MAST4: variants seen among roughly 807,000 people sequenced by gnomAD.
MAST4 encodes microtubule-associated serine/threonine-protein kinase 4.
A neutral mutation model predicts 162.7 loss-of-function variants in MAST4; 89 were observed. The ratio of observed to expected loss-of-function variants is 0.55; its 90% CI spans 0.46 to 0.65. MAST4 has a LOEUF of 0.65. MAST4 is among the 30% of genes least tolerant of loss of function. The probability of loss-of-function intolerance (pLI) is 0.00; values close to 1 mark genes in which losing one functional copy is unlikely to be tolerated. For synonymous variants in MAST4, 1,479 were observed against 1,361.1 expected (o/e 1.09, Z -1.91); for missense variants, 3,153 against 3,374.0 (o/e 0.93, Z 1.62).
intron 3 of MAST4, among the ~76,000 whole-genome samples, chr5:66,868,378 TCA>T (rs1222538955): frequency 6.6e-6 from 1 of 151,952 alleles, no homozygotes; most frequent in African/African-American, 2.4e-5. Context: ...CCACAAAGTC[TCA>T]GTGTCACCAA....
intron 3 of MAST4, among the ~76,000 whole-genome samples, chr5:66,824,665 C>T (rs1410836562): frequency 6.6e-6 from 1 of 152,202 alleles, no homozygotes; most frequent in African/African-American, 2.4e-5. Context: ...TTAACAAGGA[C>T]ATGTTCTGAG....
chr5:67,141,496 C>A (rs1770411133), intron 19 of MAST4, among the ~76,000 whole-genome samples: 1 of 151,998 alleles, frequency 6.6e-6, no homozygotes, highest in South Asian at 2.1e-4. Flanking sequence ...TGCTTTCATG[C>A]TGACTTGGAA....
chr5:66,653,602 C>T (rs116596645), intron 1 of MAST4, among the ~76,000 whole-genome samples: 3 of 152,324 alleles, frequency 2.0e-5, no homozygotes, highest in African/African-American at 7.2e-5. Flanking sequence ...GCATGAGTCT[C>T]ACATGTGTCA....
chr5:66,857,268 A>C (rs894388598), intron 3 of MAST4, among the ~76,000 whole-genome samples: 3 of 152,192 alleles, frequency 2.0e-5, no homozygotes, highest in Non-Finnish European at 4.4e-5. Context: ...TCATCTCATG[A>C]ATATACCACA....
rs140061924 is a variant in MAST4 at position 66,685,125 on chromosome 5, G to A, written c.364-74584G>A. On this transcript the variant is annotated intron_variant, in intron 1 of 28. Coordinates refer to ENST00000403625, the MANE Select transcript of MAST4 (RefSeq NM_001164664.2). Reference sequence around the variant, plus strand: ...TAAAATACAAAAATTAGCTAGGCGCGGTGGTGCACACTTGTAGTCCCAACT... The same window carrying A: ...TAAAATACAAAAATTAGCTAGGCGCAGTGGTGCACACTTGTAGTCCCAACT... Among the ~76,000 whole-genome samples the A allele has an allele frequency of 6.8e-3, 1,033 of 152,076 alleles. 2 individuals are homozygous for A. Among genetic ancestry groups the A allele is most frequent in the South Asian group, 0.03 (143 of 4,808 alleles).
chr5:66,888,373 C>T (rs1399517447), intron 3 of MAST4, among the ~76,000 whole-genome samples: 1 of 152,068 alleles, frequency 6.6e-6, no homozygotes, highest in Admixed American at 6.6e-5. Context: ...TTCAAGAGGT[C>T]CCTTGAGCTG....
At chr5:66,622,367 G>C (rs1352602938) in intron 1 of MAST4, among the ~76,000 whole-genome samples, 2 of 151,432 alleles carry the variant, frequency 1.3e-5, no homozygotes, top group African/African-American at 4.9e-5. Context: ...GAGATCAAAG[G>C]CTAGGAATGA....
Position 66,903,496 on chromosome 5 carries a change from A to G in MAST4, c.674+3514A>G, listed in dbSNP as rs190394430. ...TTTGGTTAATTTTGTCTCATAATGA[A>G]GATTGCTCCAAATAAATATGATTTG... On this transcript the variant is annotated intron_variant, in intron 4 of 28. Coordinates refer to ENST00000403625, the MANE Select transcript of MAST4 (RefSeq NM_001164664.2). Among the ~76,000 whole-genome samples, 251 of 151,850 alleles carry G rather than the reference A, an allele frequency of 1.7e-3. 2 individuals are homozygous for G. Among genetic ancestry groups the G allele is most frequent in the African/African-American group, 5.5e-3 (230 of 41,456 alleles).
intron 26 of MAST4, 49 bp from the exon 27 acceptor site, chr5:67,160,407 T>A (rs1348372834): frequency 6.4e-7 from 1 of 1,566,390 alleles, no homozygotes; most frequent in South Asian, 1.2e-5. Flanking sequence ...TGTTCTGATC[T>A]TGCTTCATCA....
At chr5:66,653,036 G>A (rs1250086296) in intron 1 of MAST4, among the ~76,000 whole-genome samples, 1 of 152,082 alleles carries the variant, frequency 6.6e-6, no homozygotes, top group Admixed American at 6.6e-5. Context: ...TTTTCAAAAG[G>A]GCAGAGCTGT....
intron 4 of MAST4, among the ~76,000 whole-genome samples, chr5:66,947,380 A>T (rs1561469363): frequency 6.6e-6 from 1 of 152,280 alleles, no homozygotes; most frequent in East Asian, 1.9e-4. Context: ...TACAAAGAAA[A>T]ATGTATGAAC....
At chr5:66,845,205 G>A (rs1401162553) in intron 3 of MAST4, among the ~76,000 whole-genome samples, 1 of 142,150 alleles carries the variant, frequency 7.0e-6, no homozygotes, top group Non-Finnish European at 1.5e-5. Flanking sequence ...TGCCGTGTTG[G>A]TTTGCTGCAC....
chr5:66,716,126 A>G (rs750315262), intron 1 of MAST4, among the ~76,000 whole-genome samples: 9 of 152,204 alleles, frequency 5.9e-5, no homozygotes, highest in Non-Finnish European at 1.2e-4. Flanking sequence ...TGGAATGGAA[A>G]TATAAATTTA....
At chr5:66,988,574 T>G (rs1333780786) in intron 4 of MAST4, among the ~76,000 whole-genome samples, 1 of 152,160 alleles carries the variant, frequency 6.6e-6, no homozygotes, top group African/African-American at 2.4e-5. Flanking sequence ...TTATCCCCAT[T>G]TTACAGAATA....
At chr5:66,878,609 C>A (rs930986180) in intron 3 of MAST4, among the ~76,000 whole-genome samples, 2 of 152,216 alleles carry the variant, frequency 1.3e-5, no homozygotes, top group East Asian at 1.9e-4. Context: ...CTGTGCTGGG[C>A]AATGCAAGAT....
chr5:67,056,506 C>T (rs990146733), intron 5 of MAST4, among the ~76,000 whole-genome samples: 5 of 152,154 alleles, frequency 3.3e-5, no homozygotes, highest in African/African-American at 1.2e-4. Context: ...CCTGTTGATT[C>T]ATCTTTTATA....
intron 3 of MAST4, among the ~76,000 whole-genome samples, chr5:66,809,719 G>A (rs943284666): frequency 2.0e-5 from 3 of 152,118 alleles, no homozygotes; most frequent in South Asian, 2.1e-4. Flanking sequence ...AAAAAACTAC[G>A]TACAATTAAA....
intron 1 of MAST4, among the ~76,000 whole-genome samples, chr5:66,613,341 T>C (rs1331244895): frequency 6.8e-6 from 1 of 148,092 alleles, no homozygotes; most frequent in African/African-American, 2.5e-5. Context: ...TTTTTTGTAA[T>C]ATCTCTTTGG....
chr5:66,979,331 G>A (rs147544040), intron 4 of MAST4, among the ~76,000 whole-genome samples: 21 of 152,158 alleles, frequency 1.4e-4, no homozygotes, highest in African/African-American at 4.8e-4. Flanking sequence ...GCAGATGCTC[G>A]GCAAAATCCA....
Sources: allele counts gnomAD v4.1 joint callset (sites outside exome capture counted in the v4.1 genomes callset), GRCh38; gene constraint gnomAD v4.1.1; transcripts MANE v1.5; gene names NCBI Gene and HGNC (gene_info 2026-07-23, HGNC 2026-07-21).